The following P2RY12 variants were observed in gnomAD, a reference collection of about 807,000 sequenced individuals.
P2RY12 encodes P2Y purinoceptor 12.
P2RY12 carries 3 observed loss-of-function variants against 4.5 expected under a neutral mutation model. The ratio of observed to expected loss-of-function variants is 0.67; its 90% CI spans 0.31 to 1.74. The LOEUF (loss-of-function observed/expected upper bound fraction) is 1.74, where lower values mean the gene tolerates loss of function less well. Among genes scored for constraint, P2RY12 ranks in the 40% most tolerant of loss-of-function variants. P2RY12 has a pLI of 0.09. For synonymous variants in P2RY12, 148 were observed against 154.1 expected (o/e 0.96, Z 0.29); for missense variants, 356 against 407.8 (o/e 0.87, Z 1.09).
intron 1 of P2RY12, chr3:151,377,955 CTG>C: frequency 6.8e-7 from 1 of 1,475,088 alleles, no homozygotes; most frequent in South Asian, 1.4e-5. Flanking sequence ...TCTGTTATAA[CTG>C]TGAGAGCAGG....
At chr3:151,371,176 A>G (rs1756139117) in intron 1 of P2RY12, among the ~76,000 whole-genome samples, 2 of 152,090 alleles carry the variant, frequency 1.3e-5, no homozygotes, top group Non-Finnish European at 2.9e-5. Flanking sequence ...TCTTATTTGC[A>G]GAAGCTCTAA....
At chr3:151,378,636 C>T (rs1303907176) in intron 1 of P2RY12, among the ~76,000 whole-genome samples, 1 of 152,014 alleles carries the variant, frequency 6.6e-6, no homozygotes, top group African/African-American at 2.4e-5. Context: ...CCTCGGCCAC[C>T]ACAACTAATG....
chr3:151,340,740 G>C lies in P2RY12; in HGVS notation c.-159C>G, dbSNP rs181463619. The C allele has an allele frequency of 5.4e-4, 83 of 152,614 alleles. No individual in the cohort carries two copies. Among genetic ancestry groups the C allele is most frequent in the African/African-American group, 1.9e-3 (77 of 41,524 alleles). 9.5% of individuals were successfully genotyped at this position (152,614 alleles called of 1,614,324 possible). A position where few individuals can be genotyped will look rare whatever the true frequency, so the allele number is the denominator to read the frequency against. On this transcript the variant is annotated 5_prime_UTR_variant, in exon 2 of 3. Coordinates refer to ENST00000302632, the MANE Select transcript of P2RY12 (RefSeq NM_022788.5). ...GTGATAGAGGATTTCCTGAGTTTTCGTCAGTAAAGTCTTGAGTGCTCTAGA... is the reference window on the plus strand; with the variant it reads ...GTGATAGAGGATTTCCTGAGTTTTCCTCAGTAAAGTCTTGAGTGCTCTAGA...
intron 2 of P2RY12, among the ~76,000 whole-genome samples, chr3:151,339,431 T>TTA (rs1751493528): frequency 6.9e-6 from 1 of 145,818 alleles, no homozygotes; most frequent in Non-Finnish European, 1.5e-5. Flanking sequence ...ACTGAATCAG[T>TTA]AAAAAAAAAA....
intron 1 of P2RY12, among the ~76,000 whole-genome samples, chr3:151,381,283 C>T (rs1300588840): frequency 6.6e-6 from 1 of 152,154 alleles, no homozygotes; most frequent in Non-Finnish European, 1.5e-5. Context: ...ATCCTCTTGT[C>T]ATTTCTCACC....
intron 1 of P2RY12, chr3:151,369,446 C>T (rs1755913210): frequency 1.2e-6 from 2 of 1,601,292 alleles, no homozygotes; most frequent in Non-Finnish European, 1.7e-6. Context: ...GCAAACCTTT[C>T]CCTGGAATAA....
intron 1 of P2RY12, among the ~76,000 whole-genome samples, chr3:151,353,710 A>G (rs192836125): frequency 2.7e-3 from 406 of 152,340 alleles, no homozygotes; most frequent in African/African-American, 9.1e-3. Flanking sequence ...TTTTGAGTTC[A>G]GTGAAATCTT....
intron 1 of P2RY12, among the ~76,000 whole-genome samples, chr3:151,341,324 A>G (rs1176962590): frequency 6.6e-6 from 1 of 152,118 alleles, no homozygotes; most frequent in African/African-American, 2.4e-5. Flanking sequence ...TACATTAGAG[A>G]AGTGATTGTA....
Position 151,337,685 on chromosome 3 carries a change from G to A in P2RY12, c.*132C>T, listed in dbSNP as rs901621813. 1.1e-6 allele frequency: 1 copy of A among 911,500 alleles called. No homozygotes were observed. The highest frequency in any genetic ancestry group is 1.7e-5 in the African/African-American group (1 of 59,596). 56.5% of individuals were successfully genotyped at this position (911,500 alleles called of 1,614,324 possible). On this transcript the variant is annotated 3_prime_UTR_variant, in exon 3 of 3. Transcript: ENST00000302632. ...GGAAAGGTAAATGAAAATTGCTTTT[G>A]TAATCTTCTGTTTCTTTAGAGTCAT...
chr3:151,347,593 A>C (rs1191764412), intron 1 of P2RY12, among the ~76,000 whole-genome samples: 1 of 152,174 alleles, frequency 6.6e-6, no homozygotes, highest in Non-Finnish European at 1.5e-5. Context: ...TGGCTATGAG[A>C]GTATTTTAGG....
At chr3:151,361,057 T>A (rs1480364639) in intron 1 of P2RY12, among the ~76,000 whole-genome samples, 2 of 152,164 alleles carry the variant, frequency 1.3e-5, no homozygotes, top group Non-Finnish European at 2.9e-5. Flanking sequence ...TTGCTTTATT[T>A]GTATCCCTCT....
chr3:151,357,470 G>A (rs1754069480), intron 1 of P2RY12: 1 of 1,123,484 alleles, frequency 8.9e-7, no homozygotes, highest in Non-Finnish European at 1.2e-6. Flanking sequence ...AAATAGTACT[G>A]ATACCTGTTT....
chr3:151,354,888 T>G (rs961676926), intron 1 of P2RY12, among the ~76,000 whole-genome samples: 2 of 152,176 alleles, frequency 1.3e-5, no homozygotes, highest in African/African-American at 2.4e-5. Flanking sequence ...TTGTTAGGTG[T>G]CAGGATTTTG....
Position 151,338,403 on chromosome 3 carries a change from A to G in P2RY12, c.443T>C (p.Ile148Thr), listed in dbSNP as rs1003099624. 17 of 1,614,032 alleles carry G rather than the reference A, an allele frequency of 1.1e-5. No homozygotes were observed. Among genetic ancestry groups the G allele is most frequent in the Non-Finnish European group, 1.4e-5 (16 of 1,180,028 alleles). ...AGAGAGTAAGAACATGAATGCCCAG[A>G]TGACAACAGAGAGAATCTTAGCCCC... ...LLGAKILSVV[I>T]WAFMFLLSLP... The change falls in exon 3 of 3, where the codon ATC becomes ACC. Residue 148 changes from isoleucine (I) to threonine (T), a missense_variant. Coordinates refer to ENST00000302632, the MANE Select transcript of P2RY12 (RefSeq NM_022788.5).
At chr3:151,342,988 A>T (rs962204850) in intron 1 of P2RY12, among the ~76,000 whole-genome samples, 4 of 152,152 alleles carry the variant, frequency 2.6e-5, no homozygotes, top group Non-Finnish European at 5.9e-5. Context: ...TGGAGACCCC[A>T]TTCTGACCTG....
intron 1 of P2RY12, chr3:151,380,059 G>A (rs897784962): frequency 1.8e-6 from 2 of 1,098,764 alleles, no homozygotes; most frequent in South Asian, 3.0e-5. Context: ...GTTGCCAGAG[G>A]AAGTAATGCA....
At chr3:151,356,826 A>T (rs1230874954) in intron 1 of P2RY12, among the ~76,000 whole-genome samples, 3 of 152,214 alleles carry the variant, frequency 2.0e-5, no homozygotes, top group African/African-American at 7.2e-5. Context: ...AACAGAAATA[A>T]GACTTGGTTT....
Position 151,376,184 on chromosome 3 carries a change from G to A in P2RY12, c.-180+8508C>T, listed in dbSNP as rs774869956. The A allele has an allele frequency of 3.8e-6, 6 of 1,596,242 alleles. No homozygotes were observed. The South Asian group carries it at 5.7e-5, about 15-fold the overall frequency. On this transcript the variant is annotated intron_variant, in intron 1 of 2. Coordinates refer to ENST00000302632, the MANE Select transcript of P2RY12 (RefSeq NM_022788.5). ...AAGAATGTACCGAGGGGGACAATCT[G>A]CAAAGACAGCACATTAAGCGTATTC...
intron 1 of P2RY12, among the ~76,000 whole-genome samples, chr3:151,345,059 G>A (rs6440738): frequency 0.4 from 60,100 of 152,128 alleles, 12,150 homozygotes; most frequent in African/African-American, 0.47. Context: ...CAACAAGCCT[G>A]CCAGGGTTTT....
Sources: gnomAD v4.1 joint callset for allele counts (sites outside exome capture counted in the v4.1 genomes callset) on GRCh38, gnomAD v4.1.1 for gene constraint, MANE v1.5 for transcripts, NCBI Gene and HGNC (gene_info 2026-07-23, HGNC 2026-07-21) for gene names.